Variants in CYP2C19 observed in about 807,000 individuals in gnomAD.
CYP2C19 encodes the protein cytochrome P450 family 2 subfamily C member 19.
CYP2C19 carries 59 observed loss-of-function variants against 40.9 expected under a neutral mutation model. The ratio of observed to expected loss-of-function variants is 1.44; its 90% confidence interval spans 1.17 to 1.79. The LOEUF (loss-of-function observed/expected upper bound fraction) is 1.79. Among genes scored for constraint, CYP2C19 ranks in the 40% most tolerant of loss-of-function variants. CYP2C19 has a pLI of 0.00. For synonymous variants in CYP2C19, 253 were observed against 208.7 expected, an observed-to-expected ratio of 1.21 and a Z score of -1.83; for missense variants, 754 against 596.9, an observed-to-expected ratio of 1.26 and a Z score of -2.74.
chr10:94,829,988 CA>C (rs1467811201), intron 6 of CYP2C19, among the ~76,000 whole-genome samples: 9 of 152,190 alleles, frequency 5.9e-5, no homozygotes, highest in Non-Finnish European at 1.3e-4. Context: ...GTCAGGGACC[CA>C]CTTGAGGAGG....
chr10:94,817,809 C>T (rs1012907518), intron 5 of CYP2C19, among the ~76,000 whole-genome samples: 8 of 151,820 alleles, frequency 5.3e-5, no homozygotes, highest in East Asian at 1.9e-4. Flanking sequence ...GTCAGGAGAT[C>T]GAGACCATCC....
At position 94,765,874 on chromosome 10, in the gene CYP2C19, G is replaced by T. The variant is rs1044065431; in HGVS notation, c.168+3001G>T. Among the ~76,000 whole-genome samples, 5 of 152,188 alleles carry T rather than the reference G, an allele frequency of 3.3e-5. No individual in the cohort carries two copies. In the East Asian group the frequency reaches 9.7e-4, roughly 29 times the overall value. ...ACTGATGGGGTAGTAGGTGCCTCAGGGGCAGGCCTGATAACAGGTTGCATT... is the reference window on the plus strand; with the variant it reads ...ACTGATGGGGTAGTAGGTGCCTCAGTGGCAGGCCTGATAACAGGTTGCATT... On this transcript the variant is annotated intron_variant, in intron 1 of 8. Coordinates refer to ENST00000371321, the MANE Select transcript of CYP2C19 (RefSeq NM_000769.4).
In CYP2C19 at chr10:94,850,005, T is replaced by G; in HGVS notation, c.1238T>G (p.Leu413Arg). 1 of 1,613,764 alleles carries G rather than the reference T, an allele frequency of 6.2e-7. No individual in the cohort carries two copies. The highest frequency in any genetic ancestry group is 8.5e-7 in the Non-Finnish European group (1 of 1,179,770). ...GAGATGTTTGACCCTCGTCACTTTC[T>G]GGATGAAGGTGGAAATTTTAAGAAA... ...NPEMFDPRHF[L>R]DEGGNFKKSN... Residue 413 changes from leucine to arginine, a missense_variant, in exon 8 of 9, where the codon CTG becomes CGG. Coordinates refer to ENST00000371321, the MANE Select transcript of CYP2C19 (RefSeq NM_000769.4).
intron 5 of CYP2C19, among the ~76,000 whole-genome samples, chr10:94,801,974 C>A (rs559992289): frequency 6.6e-6 from 1 of 152,134 alleles, no homozygotes; most frequent in African/African-American, 2.4e-5. Context: ...AGCGAAAGAA[C>A]AAAGCTTTGA....
intron 6 of CYP2C19, among the ~76,000 whole-genome samples, chr10:94,828,296 C>A (rs1010676382): frequency 5.9e-5 from 9 of 151,664 alleles, no homozygotes; most frequent in African/African-American, 1.2e-4. Context: ...GTGTGGGAGT[C>A]TAAGTCTCTT....
intron 5 of CYP2C19, among the ~76,000 whole-genome samples, chr10:94,818,518 A>G (rs1466127450): frequency 2.0e-5 from 3 of 147,200 alleles, no homozygotes; most frequent in Non-Finnish European, 4.5e-5. Context: ...CTTCCTACCC[A>G]TGAGCATGGA....
chr10:94,812,223 C>T (rs1056400761), intron 5 of CYP2C19, among the ~76,000 whole-genome samples: 3 of 152,164 alleles, frequency 2.0e-5, no homozygotes, highest in Non-Finnish European at 4.4e-5. Context: ...TCTGGCTTGT[C>T]GAGCTTCTCC....
rs548827184 is a variant in CYP2C19, at chr10:94,797,914, A to G, written c.819+15917A>G. ...TTATTAGTCTTCCTAGTGGTCTATC[A>G]GTTTTGTTGATCTTTTCAAAATATC... On this transcript the variant is annotated intron_variant, in intron 5 of 8. Transcript: ENST00000371321. Among the ~76,000 whole-genome samples, 5 of 151,758 alleles carry G rather than the reference A, an allele frequency of 3.3e-5. No individual in the cohort carries two copies. In the South Asian group the frequency reaches 8.3e-4, roughly 25 times the overall value.
Position 94,842,881 on chromosome 10 carries a change from A to G in CYP2C19, c.1006A>G (p.Ser336Gly). ...TGAACGTGTCATTGGCAGAAACCGG[A>G]GCCCCTGCATGCAGGACAGGGGCCA... ...EIERVIGRNR[S>G]PCMQDRGHMP... The change falls in exon 7 of 9, where the codon AGC becomes GGC. Residue 336 changes from serine to glycine, a missense_variant. Coordinates refer to ENST00000371321, the MANE Select transcript of CYP2C19 (RefSeq NM_000769.4). 2 of 1,614,182 alleles carry G rather than the reference A, an allele frequency of 1.2e-6. No homozygotes were observed. Among genetic ancestry groups the G allele is most frequent in the Non-Finnish European group, 1.7e-6 (2 of 1,180,022 alleles).
intron 7 of CYP2C19, 54 bp from the exon 8 acceptor site, chr10:94,849,863 T>G: frequency 6.2e-7 from 1 of 1,606,850 alleles, no homozygotes; most frequent in Admixed American, 1.7e-5. Context: ...CCACTGTTTC[T>G]TAAACCTTCG....
chr10:94,774,743 C>T (rs1191231585), intron 1 of CYP2C19: 1 of 304,252 alleles, frequency 3.3e-6, no homozygotes, highest in Non-Finnish European at 6.1e-6. Context: ...CTGTGGGACA[C>T]TGAAAATGAA....
chr10:94,775,447 C>T lies in CYP2C19; in HGVS notation c.389C>T (p.Thr130Met), dbSNP rs150152656. ...GAGATCCGGCGTTTCTCCCTCATGA[C>T]GCTGCGGAATTTTGGGATGGGGAAG... ...WKEIRRFSLM[T>M]LRNFGMGKRS... is the part of the protein sequence containing the mutation. Residue 130 changes from threonine to methionine, a missense_variant, in exon 3 of 9, where the codon ACG (threonine) becomes ATG (methionine). Physicochemically the swap from Thr to Met is moderately conservative, Grantham distance 81. Coordinates refer to ENST00000371321, the MANE Select transcript of CYP2C19 (RefSeq NM_000769.4). 1.5e-4 allele frequency: 240 copies of T among 1,614,020 alleles called. No individual in the cohort carries two copies. The highest frequency in any genetic ancestry group is 3.3e-4 in the East Asian group (15 of 44,882).
At chr10:94,824,968 C>T (rs1187214082) in intron 6 of CYP2C19, among the ~76,000 whole-genome samples, 2 of 145,444 alleles carry the variant, frequency 1.4e-5, no homozygotes, top group African/African-American at 5.1e-5. Flanking sequence ...CATCCATGTC[C>T]CTACAAAGGA....
intron 6 of CYP2C19, among the ~76,000 whole-genome samples, chr10:94,827,913 C>A (rs928928516): frequency 1.3e-5 from 2 of 151,898 alleles, no homozygotes; most frequent in African/African-American, 4.8e-5. Context: ...GCCTTCATTT[C>A]GTTATGTACC....
intron 1 of CYP2C19, among the ~76,000 whole-genome samples, chr10:94,771,795 C>A (rs1250232909): frequency 6.6e-6 from 1 of 152,066 alleles, no homozygotes; most frequent in Admixed American, 6.5e-5. Context: ...TGCCCAAGAA[C>A]CCAAAACAGT....
chr10:94,792,906 G>T (rs553244688), intron 5 of CYP2C19, among the ~76,000 whole-genome samples: 2 of 152,130 alleles, frequency 1.3e-5, no homozygotes, highest in Non-Finnish European at 2.9e-5. Context: ...GGCCTCTCTT[G>T]CTAGGTTGGG....
chr10:94,785,895 C>T (rs1171624331), intron 5 of CYP2C19, among the ~76,000 whole-genome samples: 2 of 152,046 alleles, frequency 1.3e-5, no homozygotes, highest in South Asian at 2.1e-4. Flanking sequence ...GTGGAAAGTC[C>T]ATTTGCATAA....
At position 94,852,769 on chromosome 10, in the gene CYP2C19, T is replaced by C; in HGVS notation, c.1328T>C (p.Met443Thr). 1 of 1,613,642 alleles carries C rather than the reference T, an allele frequency of 6.2e-7. No individual in the cohort carries two copies. The highest frequency in any genetic ancestry group is 8.5e-7 in the Non-Finnish European group (1 of 1,179,598). ...TGTGTGGGAGAGGGCCTGGCCCGCA[T>C]GGAGCTGTTTTTATTCCTGACCTTC... ...RICVGEGLAR[M>T]ELFLFLTFIL... The change falls in exon 9 of 9, where the codon ATG becomes ACG. Residue 443 changes from methionine to threonine, a missense_variant. Met to Thr is a moderately conservative substitution (Grantham distance 81, BLOSUM62 -1). Transcript: ENST00000371321.
intron 3 of CYP2C19, among the ~76,000 whole-genome samples, chr10:94,776,682 A>C (rs1017716435): frequency 6.6e-6 from 1 of 152,182 alleles, no homozygotes. Flanking sequence ...TGAAAAACCC[A>C]TAGCCAATAT....
Sources: allele counts gnomAD v4.1 joint callset (sites outside exome capture counted in the v4.1 genomes callset), GRCh38; gene constraint gnomAD v4.1.1; transcripts MANE v1.5; gene names NCBI Gene and HGNC (gene_info 2026-07-23, HGNC 2026-07-21).